The following TRPC4 variants were observed in gnomAD, a reference collection of about 807,000 sequenced individuals.
TRPC4 encodes the protein transient receptor potential cation channel subfamily C member 4.
TRPC4 carries 49 observed loss-of-function variants against 99.4 expected under a neutral mutation model. The ratio of observed to expected loss-of-function variants is 0.49; its 90% confidence interval spans 0.39 to 0.63. The LOEUF is 0.63. TRPC4 is among the 20% of genes least tolerant of loss of function. TRPC4 has a pLI of 0.00. For synonymous variants in TRPC4, 454 were observed against 425.9 expected (o/e 1.07, Z -0.81); for missense variants, 898 against 1,152.9 (o/e 0.78, Z 3.20).
chr13:37,663,088 T>G (rs1429015610), intron 6 of TRPC4, among the ~76,000 whole-genome samples: 1 of 152,228 alleles, frequency 6.6e-6, no homozygotes, highest in Non-Finnish European at 1.5e-5. Flanking sequence ...TGTTCTATCT[T>G]TTAATGTACT....
intron 2 of TRPC4, among the ~76,000 whole-genome samples, chr13:37,772,447 G>A (rs1956580476): frequency 1.3e-5 from 2 of 151,712 alleles, no homozygotes; most frequent in African/African-American, 4.8e-5. Flanking sequence ...TGTCATTGCA[G>A]ATGGATAAAT....
intron 6 of TRPC4, among the ~76,000 whole-genome samples, chr13:37,663,094 G>A (rs1337469759): frequency 1.3e-5 from 2 of 152,158 alleles, no homozygotes; most frequent in African/African-American, 4.8e-5. Context: ...ATCTTTTAAT[G>A]TACTTGTAAG....
chr13:37,867,369 C>T (rs1959831557), intron 1 of TRPC4, among the ~76,000 whole-genome samples: 1 of 151,884 alleles, frequency 6.6e-6, no homozygotes, highest in South Asian at 2.1e-4. Flanking sequence ...TAATGCTGAT[C>T]ATCTGAATTG....
chr13:37,731,757 TA>T (rs1955246131), intron 3 of TRPC4, among the ~76,000 whole-genome samples: 1 of 152,108 alleles, frequency 6.6e-6, no homozygotes, highest in Non-Finnish European at 1.5e-5. Context: ...TTAAAATAGT[TA>T]AAATCAAACA....
chr13:37,768,357 C>T (rs532932322), intron 2 of TRPC4, among the ~76,000 whole-genome samples: 8 of 151,374 alleles, frequency 5.3e-5, no homozygotes, highest in East Asian at 2.0e-4. Context: ...AAAAGACACG[C>T]GGAGAGCCAT....
chr13:37,819,699 T>G (rs1025956421), intron 1 of TRPC4, among the ~76,000 whole-genome samples: 2 of 151,438 alleles, frequency 1.3e-5, no homozygotes, highest in Non-Finnish European at 2.9e-5. Context: ...AGGGAGAGGA[T>G]CAGGAAAACA....
chr13:37,691,914 C>A, intron 4 of TRPC4, 85 bp downstream of exon 4: 1 of 1,310,486 alleles, frequency 7.6e-7, no homozygotes, highest in Non-Finnish European at 1.1e-6. Flanking sequence ...TTCCTAGGTC[C>A]CAAACATTAA....
intron 2 of TRPC4, among the ~76,000 whole-genome samples, chr13:37,769,649 G>T (rs17056604): frequency 0.1 from 15,121 of 151,244 alleles, 1,107 homozygotes; most frequent in African/African-American, 0.21. Context: ...TGGCTCCAGG[G>T]AATCATTCAC....
chr13:37,708,685 A>G (rs899767012), intron 3 of TRPC4, among the ~76,000 whole-genome samples: 2 of 149,080 alleles, frequency 1.3e-5, no homozygotes, highest in Non-Finnish European at 3.0e-5. Flanking sequence ...ACACACACAT[A>G]TTCTTAAATT....
At chr13:37,707,096 C>T (rs1954306193) in intron 3 of TRPC4, among the ~76,000 whole-genome samples, 1 of 152,136 alleles carries the variant, frequency 6.6e-6, no homozygotes, top group Admixed American at 6.5e-5. Flanking sequence ...GATGTCTAAA[C>T]ATTGGGAAGA....
At chr13:37,869,414 T>C (rs1387922770) in intron 1 of TRPC4, among the ~76,000 whole-genome samples, 181 bp downstream of exon 1, 1 of 152,136 alleles carries the variant, frequency 6.6e-6, no homozygotes, top group Non-Finnish European at 1.5e-5. Flanking sequence ...CAGGTTTTTT[T>C]CCTGAGCCTT....
At chr13:37,689,412 C>G (rs1953606800) in intron 4 of TRPC4, among the ~76,000 whole-genome samples, 1 of 152,170 alleles carries the variant, frequency 6.6e-6, no homozygotes, top group South Asian at 2.1e-4. Context: ...ATTCACCAGA[C>G]TTGGTGAACA....
At chr13:37,837,171 T>C (rs867854207) in intron 1 of TRPC4, among the ~76,000 whole-genome samples, 3 of 152,322 alleles carry the variant, frequency 2.0e-5, no homozygotes, top group Middle Eastern at 3.4e-3. Flanking sequence ...CAGAAGTTTG[T>C]TACAGGGGCA....
intron 1 of TRPC4, among the ~76,000 whole-genome samples, chr13:37,852,561 G>T (rs1325615235): frequency 6.6e-6 from 1 of 152,130 alleles, no homozygotes; most frequent in Non-Finnish European, 1.5e-5. Flanking sequence ...TATTATAAAA[G>T]ACTTCCATTT....
At chr13:37,818,731 C>T (rs968402421) in intron 1 of TRPC4, among the ~76,000 whole-genome samples, 1 of 152,022 alleles carries the variant, frequency 6.6e-6, no homozygotes, top group African/African-American at 2.4e-5. Flanking sequence ...TGTTCTCACT[C>T]ATAAGTGGGA....
intron 1 of TRPC4, among the ~76,000 whole-genome samples, chr13:37,801,668 G>A (rs1316195607): frequency 3.3e-5 from 5 of 152,138 alleles, no homozygotes; most frequent in Non-Finnish European, 5.9e-5. Flanking sequence ...TGGGTATTAC[G>A]AATTGTAGAG....
At position 37,813,712 on chromosome 13, in the gene TRPC4, A is replaced by G. The variant is rs960574021; in HGVS notation, c.-27-30352T>C. Among the ~76,000 whole-genome samples the G allele has an allele frequency of 3.3e-5, 5 of 151,892 alleles. No homozygotes were observed. The East Asian group carries it at 9.6e-4, about 29-fold the overall frequency. ...TTCTTCATAGACTTGTAACAAAGAG[A>G]TCAAATTAGTAAATTATTTTTTAAA... On this transcript the variant is annotated intron_variant, in intron 1 of 10. Transcript: ENST00000379705.
At chr13:37,673,268 C>T (rs1183217148) in intron 5 of TRPC4, among the ~76,000 whole-genome samples, 1 of 151,894 alleles carries the variant, frequency 6.6e-6, no homozygotes, top group Non-Finnish European at 1.5e-5. Context: ...CTACAAAGGA[C>T]ATGAACTCAT....
At position 37,783,101 on chromosome 13, in the gene TRPC4, A is replaced by ATGAGGAGAGCAGTTC; in HGVS notation, c.232_233insGAACTGCTCTCCTCA (p.Ala77_Ile78insArgThrAlaLeuLeu). On this transcript the variant is annotated inframe_insertion, in exon 2 of 11. Coordinates refer to ENST00000379705, the MANE Select transcript of TRPC4 (RefSeq NM_016179.4). Reference sequence around the variant, plus strand: ...GATGAGCTCCAAGTTCTCATTTTCAATTGCAATGAGGAGAGCAGTTCTTCC... The same window carrying ATGAGGAGAGCAGTTC: ...GATGAGCTCCAAGTTCTCATTTTCAATGAGGAGAGCAGTTCTTGCAATGAGGAGAGCAGTTCTTCC... 1 of 1,613,456 alleles carries ATGAGGAGAGCAGTTC rather than the reference A, an allele frequency of 6.2e-7. No homozygotes were observed. Among genetic ancestry groups the ATGAGGAGAGCAGTTC allele is most frequent in the Non-Finnish European group, 8.5e-7 (1 of 1,179,744 alleles).
Sources: allele counts gnomAD v4.1 joint callset (sites outside exome capture counted in the v4.1 genomes callset), GRCh38; gene constraint gnomAD v4.1.1; transcripts MANE v1.5; gene names NCBI Gene and HGNC (gene_info 2026-07-23, HGNC 2026-07-21).